IL1RL2: variants seen among roughly 807,000 people sequenced by gnomAD.
The protein encoded by IL1RL2 is interleukin-1 receptor-like 2.
In IL1RL2, 68 loss-of-function variants were observed where a neutral mutation model predicts 66.8. The ratio of observed to expected loss-of-function variants is 1.02; its 90% confidence interval spans 0.84 to 1.25. The LOEUF (loss-of-function observed/expected upper bound fraction) is 1.25. IL1RL2 is among the 50% of genes most tolerant of loss of function. The probability of loss-of-function intolerance (pLI) is 0.00; values close to 1 mark genes in which losing one functional copy is unlikely to be tolerated. For missense variants in IL1RL2, 729 were observed against 709.3 expected (o/e 1.03, Z -0.32); for synonymous variants, 305 against 264.6 (o/e 1.15, Z -1.48).
chr2:102,233,121 C>G lies in IL1RL2; in HGVS notation c.1294C>G (p.Gln432Glu), dbSNP rs181867068. ...ATTCGGCAGAGATGAATTCCCTGGA[C>G]AAGGTGGGTTTTAAGTGAGGTGTAA... is the stretch of plus-strand genomic sequence containing the variant. ...FIFGRDEFPG[Q>E]AVANVIDENV... Residue 432 changes from glutamine to glutamate, a missense_variant, in exon 10 of 12, where the codon CAA (glutamine) becomes GAA (glutamate). Coordinates refer to ENST00000264257, the MANE Select transcript of IL1RL2 (RefSeq NM_003854.4). 9 of 1,608,942 alleles carry G rather than the reference C, an allele frequency of 5.6e-6. No homozygotes were observed. The highest frequency in any genetic ancestry group is 1.7e-4 in the Middle Eastern group (1 of 6,030).
intron 10 of IL1RL2, among the ~76,000 whole-genome samples, chr2:102,233,464 A>G: frequency 6.6e-6 from 1 of 152,218 alleles, no homozygotes; most frequent in South Asian, 2.1e-4. Flanking sequence ...GCGAGTGGTC[A>G]TTTGAGCCTC....
In IL1RL2 at chr2:102,239,303, C is replaced by A; in HGVS notation, c.*62C>A. The A allele has an allele frequency of 6.8e-7, 1 of 1,463,158 alleles. No homozygotes were observed. The highest frequency in any genetic ancestry group is 9.6e-7 in the Non-Finnish European group (1 of 1,042,550). The allele number at this position is 1,463,158 out of a possible 1,614,324, so 90.6% of individuals were successfully genotyped here. A position where few individuals can be genotyped will look rare whatever the true frequency, so the allele number is the denominator to read the frequency against. On this transcript the variant is annotated 3_prime_UTR_variant, in exon 12 of 12. Coordinates refer to ENST00000264257, the MANE Select transcript of IL1RL2 (RefSeq NM_003854.4). Reference sequence around the variant, plus strand: ...TTGTTTTGCTCCATGTCTCCTCATTCCTACACCTATTTTCTGCTGCAGGAT... The same window carrying A: ...TTGTTTTGCTCCATGTCTCCTCATTACTACACCTATTTTCTGCTGCAGGAT...
At chr2:102,231,966 G>T (rs907895907) in intron 9 of IL1RL2, among the ~76,000 whole-genome samples, 6 of 152,046 alleles carry the variant, frequency 3.9e-5, no homozygotes, top group African/African-American at 1.2e-4. Context: ...ACACGCTGAG[G>T]GTAACATGGG....
intron 1 of IL1RL2, chr2:102,187,432 G>A: frequency 9.4e-7 from 1 of 1,068,660 alleles, no homozygotes; most frequent in South Asian, 2.2e-5. Flanking sequence ...GGACACAGGC[G>A]CGCAGGGGAG....
At chr2:102,242,072 T>C (rs1675246068), downstream of IL1RL2, among the ~76,000 whole-genome samples, 1 of 152,080 alleles carries the variant, frequency 6.6e-6, no homozygotes, top group Non-Finnish European at 1.5e-5. Context: ...ACAAAGAAAC[T>C]CGCAACCCTC....
downstream of IL1RL2, among the ~76,000 whole-genome samples, chr2:102,241,430 A>G (rs1244811413): frequency 2.0e-5 from 3 of 152,198 alleles, no homozygotes; most frequent in Non-Finnish European, 4.4e-5. Flanking sequence ...CTTGCAAGTC[A>G]AAAACCCTGT....
intron 11 of IL1RL2, among the ~76,000 whole-genome samples, chr2:102,236,601 T>C (rs1436930539): frequency 6.6e-6 from 1 of 152,170 alleles, no homozygotes; most frequent in Non-Finnish European, 1.5e-5. Context: ...GAACATAAAA[T>C]TCACCATTTT....
intron 9 of IL1RL2, among the ~76,000 whole-genome samples, 177 bp downstream of exon 9, chr2:102,226,218 T>A (rs1690597165): frequency 6.6e-6 from 1 of 152,214 alleles, no homozygotes; most frequent in African/African-American, 2.4e-5. Flanking sequence ...ACCAGCATCA[T>A]TTGGTCAGAT....
At chr2:102,202,057 C>A (rs1481522066) in intron 5 of IL1RL2, among the ~76,000 whole-genome samples, 1 of 152,144 alleles carries the variant, frequency 6.6e-6, no homozygotes, top group Non-Finnish European at 1.5e-5. Flanking sequence ...GACTGTCATT[C>A]ACCTCAGCCT....
At chr2:102,222,288 G>A (rs1408193910) in intron 8 of IL1RL2, among the ~76,000 whole-genome samples, 1 of 152,042 alleles carries the variant, frequency 6.6e-6, no homozygotes, top group East Asian at 1.9e-4. Flanking sequence ...ATAAATATGT[G>A]GTTTGCATTG....
chr2:102,238,292 C>G (rs1319718522), intron 11 of IL1RL2, among the ~76,000 whole-genome samples: 1 of 152,142 alleles, frequency 6.6e-6, no homozygotes, highest in Non-Finnish European at 1.5e-5. Context: ...CCTCAAATAC[C>G]CTGAGTCGGC....
In IL1RL2 at chr2:102,201,636, A is replaced by T; in HGVS notation, c.570A>T (p.Arg190Ser). 3.1e-6 allele frequency: 5 copies of T among 1,614,138 alleles called. No individual in the cohort carries two copies. The highest frequency in any genetic ancestry group is 1.3e-5 in the African/African-American group (1 of 75,048). Residue 190 changes from arginine (R) to serine (S), a missense_variant, in exon 5 of 12, where the codon AGA (arginine) becomes AGT (serine). By Grantham distance (110) the Arg-to-Ser change is moderately radical. Transcript: ENST00000264257. ...TGAGCAATGTCTCGGCAGAGGACAG[A>T]GGGAACTACGCGTGTCAAGCCATAC... is the stretch of plus-strand genomic sequence containing the variant. ...LLVSNVSAED[R>S]GNYACQAILT...
chr2:102,189,103 A>G lies in IL1RL2; in HGVS notation c.86A>G (p.Asn29Ser), dbSNP rs535165337. 1.9e-6 allele frequency: 3 copies of G among 1,613,902 alleles called. No individual in the cohort carries two copies. The highest frequency in any genetic ancestry group is 4.5e-5 in the East Asian group (2 of 44,852). ...GGATGCAAGGACATTTTTATGAAAA[A>G]TGAGATACTTTCAGCAAGCCAGCCT... ...ADGCKDIFMK[N>S]EILSASQPFA... The change falls in exon 3 of 12, where the codon AAT (asparagine) becomes AGT (serine). Residue 29 changes from asparagine (N) to serine (S), a missense_variant. By Grantham distance (46) the Asn-to-Ser change is conservative. Transcript: ENST00000264257.
At chr2:102,215,104 C>G (rs562369702) in intron 6 of IL1RL2, among the ~76,000 whole-genome samples, 1 of 148,424 alleles carries the variant, frequency 6.7e-6, no homozygotes, top group South Asian at 2.1e-4. Context: ...TCATTATTAC[C>G]ACAGACACCT....
chr2:102,210,941 G>C (rs1689118081), intron 5 of IL1RL2, among the ~76,000 whole-genome samples: 1 of 152,142 alleles, frequency 6.6e-6, no homozygotes, highest in Admixed American at 6.5e-5. Context: ...ATGGAAAATA[G>C]AAGGCTTAGA....
At chr2:102,199,227 A>C (rs537484080) in intron 4 of IL1RL2, among the ~76,000 whole-genome samples, 1 of 152,272 alleles carries the variant, frequency 6.6e-6, no homozygotes, top group Non-Finnish European at 1.5e-5. Flanking sequence ...TTAGCATTGC[A>C]CTATTTTAAT....
chr2:102,218,505 T>C (rs537215565), intron 6 of IL1RL2, among the ~76,000 whole-genome samples: 1 of 152,314 alleles, frequency 6.6e-6, no homozygotes, highest in Admixed American at 6.5e-5. Context: ...ATTTCATTTC[T>C]TCCTCTAATT....
chr2:102,190,422 G>C (rs1687131365), intron 3 of IL1RL2, among the ~76,000 whole-genome samples: 2 of 152,148 alleles, frequency 1.3e-5, no homozygotes, highest in South Asian at 4.1e-4. Context: ...GGCCTGATAG[G>C]CTTGAGGTGC....
intron 7 of IL1RL2, among the ~76,000 whole-genome samples, 153 bp from the exon 8 acceptor site, chr2:102,219,728 A>T (rs1284023895): frequency 1.3e-5 from 2 of 152,208 alleles, no homozygotes; most frequent in African/African-American, 4.8e-5. Flanking sequence ...TACAATCTAC[A>T]AACCTCACTG....
Sources: allele counts gnomAD v4.1 joint callset (sites outside exome capture counted in the v4.1 genomes callset), GRCh38; gene constraint gnomAD v4.1.1; transcripts MANE v1.5; gene names NCBI Gene and HGNC (gene_info 2026-07-23, HGNC 2026-07-21).